MSRA: variants seen among roughly 807,000 people sequenced by gnomAD.
MSRA encodes the protein methionine sulfoxide reductase A.
MSRA carries 54 observed loss-of-function variants against 31.3 expected under a neutral mutation model. The ratio of observed to expected loss-of-function variants is 1.73; its 90% CI spans 1.39 to 2.17. The LOEUF is 2.17. MSRA is among the 30% of genes most tolerant of loss of function. The probability of loss-of-function intolerance (pLI) is 0.00; values close to 1 mark genes in which losing one functional copy is unlikely to be tolerated. For synonymous variants in MSRA, 169 were observed against 116.5 expected, an observed-to-expected ratio of 1.45 and a Z score of -2.90; for missense variants, 507 against 300.9, an observed-to-expected ratio of 1.69 and a Z score of -5.07.
intron 1 of MSRA, among the ~76,000 whole-genome samples, chr8:10,161,300 C>A (rs915479768): frequency 6.6e-6 from 1 of 152,146 alleles, no homozygotes; most frequent in Admixed American, 6.5e-5. Context: ...TATCCCCCAA[C>A]CCCCTGGCTG....
At chr8:10,312,528 A>G (rs1302004113) in intron 4 of MSRA, among the ~76,000 whole-genome samples, 1 of 152,214 alleles carries the variant, frequency 6.6e-6, no homozygotes, top group Non-Finnish European at 1.5e-5. Context: ...TTTTCAAGAG[A>G]TTAGAGAGAG....
chr8:10,191,974 C>G (rs1002376476), intron 1 of MSRA, among the ~76,000 whole-genome samples: 6 of 152,154 alleles, frequency 3.9e-5, no homozygotes, highest in Admixed American at 6.5e-5. Context: ...GTGTTCCTCA[C>G]GAGGCTGCAG....
intron 1 of MSRA, among the ~76,000 whole-genome samples, chr8:10,058,443 G>T (rs2128910810): frequency 6.6e-6 from 1 of 152,236 alleles, no homozygotes; most frequent in South Asian, 2.1e-4. Context: ...ATAATTTTTA[G>T]GAAAATATAA....
intron 1 of MSRA, among the ~76,000 whole-genome samples, chr8:10,158,158 A>C (rs115295314): frequency 0.025 from 3,878 of 152,220 alleles, 60 homozygotes; most frequent in Non-Finnish European, 0.029. Flanking sequence ...CCCCATCCTC[A>C]TGACTGACTA....
chr8:10,167,608 A>T (rs1374150323), intron 1 of MSRA, among the ~76,000 whole-genome samples: 6 of 152,126 alleles, frequency 3.9e-5, no homozygotes, highest in Non-Finnish European at 7.4e-5. Flanking sequence ...CTAGCATGCA[A>T]ATTCAAAGGA....
chr8:10,408,916 G>C (rs972562491), intron 5 of MSRA, among the ~76,000 whole-genome samples: 2 of 152,328 alleles, frequency 1.3e-5, no homozygotes, highest in South Asian at 4.1e-4. Context: ...TTTAATGGCT[G>C]AGTAGTATTC....
chr8:10,393,912 CT>C (rs1806924942), intron 5 of MSRA, among the ~76,000 whole-genome samples: 1 of 152,168 alleles, frequency 6.6e-6, no homozygotes, highest in Non-Finnish European at 1.5e-5. Flanking sequence ...ATGTGTATAA[CT>C]GTATGGTCTG....
At chr8:10,070,129 G>T (rs60465334) in intron 1 of MSRA, among the ~76,000 whole-genome samples, 3 of 152,130 alleles carry the variant, frequency 2.0e-5, no homozygotes, top group Non-Finnish European at 2.9e-5. Flanking sequence ...CTGTGATGAT[G>T]AATACTTTGG....
At chr8:10,122,355 G>A (rs935480027) in intron 1 of MSRA, among the ~76,000 whole-genome samples, 2 of 152,208 alleles carry the variant, frequency 1.3e-5, no homozygotes, top group African/African-American at 4.8e-5. Context: ...GAAAGGAGCT[G>A]AGTGTGGAAG....
chr8:10,143,011 A>C (rs1802838024), intron 1 of MSRA, among the ~76,000 whole-genome samples: 1 of 152,158 alleles, frequency 6.6e-6, no homozygotes, highest in Non-Finnish European at 1.5e-5. Context: ...ATAAATCCAG[A>C]TAACTTTGTT....
chr8:10,360,035 G>A (rs1163518907), intron 5 of MSRA, among the ~76,000 whole-genome samples: 1 of 152,158 alleles, frequency 6.6e-6, no homozygotes, highest in Non-Finnish European at 1.5e-5. Context: ...ACTCCCAGCA[G>A]TGAGGCCCTG....
chr8:10,255,001 T>C (rs1184343462), intron 3 of MSRA, among the ~76,000 whole-genome samples: 1 of 152,252 alleles, frequency 6.6e-6, no homozygotes, highest in Non-Finnish European at 1.5e-5. Flanking sequence ...TTACAATCTT[T>C]TCTTCAGGCA....
At chr8:10,168,970 A>G (rs890739125) in intron 1 of MSRA, among the ~76,000 whole-genome samples, 21 of 152,220 alleles carry the variant, frequency 1.4e-4, no homozygotes, top group African/African-American at 3.4e-4. Context: ...ACTAATCACT[A>G]TGAGGCACGG....
At chr8:10,275,151 C>A (rs566402264) in intron 3 of MSRA, among the ~76,000 whole-genome samples, 4 of 151,886 alleles carry the variant, frequency 2.6e-5, no homozygotes, top group Admixed American at 2.0e-4. Flanking sequence ...TCATAATGTG[C>A]CAAAGAAGAT....
chr8:10,066,291 T>C (rs1797452121), intron 1 of MSRA, among the ~76,000 whole-genome samples: 1 of 152,144 alleles, frequency 6.6e-6, no homozygotes, highest in South Asian at 2.1e-4. Flanking sequence ...CCGGCCAACT[T>C]TGTATTTTTG....
chr8:10,412,598 A>G (rs79245731), intron 5 of MSRA, among the ~76,000 whole-genome samples: 7,143 of 152,290 alleles, frequency 0.047, 443 homozygotes, highest in African/African-American at 0.14. Flanking sequence ...AAATTCAACA[A>G]TACAAGCAAA....
At chr8:10,395,113 G>A (rs1807014327) in intron 5 of MSRA, among the ~76,000 whole-genome samples, 1 of 152,230 alleles carries the variant, frequency 6.6e-6, no homozygotes, top group South Asian at 2.1e-4. Flanking sequence ...GCTCAGGATG[G>A]TTTAGGAACA....
At chr8:10,405,757 GTGCTCACACACACCTA>G (rs1422927615) in intron 5 of MSRA, among the ~76,000 whole-genome samples, 1 of 49,480 alleles carries the variant, frequency 2.0e-5, no homozygotes, top group Non-Finnish European at 8.0e-5. Context: ...ACACACCCAT[GTGCTCACACACACCTA>G]TGTGCTCACA....
intron 4 of MSRA, among the ~76,000 whole-genome samples, chr8:10,312,211 C>G (rs1407907865): frequency 4.0e-5 from 6 of 151,726 alleles, no homozygotes; most frequent in Non-Finnish European, 7.4e-5. Context: ...AACAGAAGAT[C>G]AAAAAAGCCA....
Sources: allele counts gnomAD v4.1 joint callset (sites outside exome capture counted in the v4.1 genomes callset), GRCh38; gene constraint gnomAD v4.1.1; transcripts MANE v1.5; gene names NCBI Gene and HGNC (gene_info 2026-07-23, HGNC 2026-07-21).